Variants in GPR89B observed in about 807,000 individuals in gnomAD.
The protein encoded by GPR89B is golgi pH regulator B.
Under a neutral mutation model 52.4 loss-of-function variants are expected in GPR89B, and 25 were observed. The ratio of observed to expected loss-of-function variants is 0.48; its 90% confidence interval spans 0.35 to 0.67. GPR89B has a LOEUF of 0.67. Among genes scored for constraint, GPR89B ranks in the 30% least tolerant of loss-of-function variants. The probability of loss-of-function intolerance (pLI) is 0.01; values close to 1 mark genes in which losing one functional copy is unlikely to be tolerated. For synonymous variants in GPR89B, 52 were observed against 151.2 expected (o/e 0.34, Z 4.81); for missense variants, 146 against 450.2 (o/e 0.32, Z 6.11).
chr1:147,976,106 C>T (rs1244084324), intron 10 of GPR89B, among the ~76,000 whole-genome samples: 1 of 152,198 alleles, frequency 6.6e-6, no homozygotes, highest in East Asian at 1.9e-4. Flanking sequence ...TGCCATGTGG[C>T]ACCAAGAAGA....
chr1:148,009,539 A>G, the GPR89B span: 4 of 1,560,814 alleles, frequency 2.6e-6, no homozygotes, highest in South Asian at 2.2e-5. Flanking sequence ...AGGAATCCCC[A>G]TCCAGAACTA....
At chr1:148,012,420 G>C in the GPR89B span, among the ~76,000 whole-genome samples, 1 of 151,712 alleles carries the variant, frequency 6.6e-6, no homozygotes, top group Non-Finnish European at 1.5e-5. Context: ...TTCTGTCTTT[G>C]ACTCCCTTCC....
At chr1:147,993,679 A>G (rs1242064819), downstream of GPR89B, among the ~76,000 whole-genome samples, 1 of 151,264 alleles carries the variant, frequency 6.6e-6, no homozygotes, top group East Asian at 1.9e-4. Context: ...GTCACTTGTG[A>G]AAGGGAAATG....
intron 5 of GPR89B, among the ~76,000 whole-genome samples, chr1:147,950,864 G>A (rs1284572697): frequency 6.6e-6 from 1 of 152,250 alleles, no homozygotes; most frequent in Non-Finnish European, 1.5e-5. Context: ...GGAGGCTGCA[G>A]TGAGCCGAGA....
At chr1:147,976,961 G>C (rs1428112697) in intron 10 of GPR89B, among the ~76,000 whole-genome samples, 1 of 151,758 alleles carries the variant, frequency 6.6e-6, no homozygotes, top group African/African-American at 2.4e-5. Context: ...TGAGCTGGGC[G>C]TGGTGGCTCA....
the GPR89B span, among the ~76,000 whole-genome samples, chr1:148,025,176 G>A: frequency 6.6e-6 from 1 of 151,736 alleles, no homozygotes; most frequent in Non-Finnish European, 1.5e-5. Context: ...TAAGAGCACT[G>A]CTTTTGTTTA....
intron 10 of GPR89B, among the ~76,000 whole-genome samples, chr1:147,970,374 G>A: frequency 6.6e-6 from 1 of 151,968 alleles, no homozygotes; most frequent in Admixed American, 6.5e-5. Context: ...TGGGCTGCCT[G>A]TAATCCCAGC....
At chr1:147,940,556 G>C (rs1245163341) in intron 3 of GPR89B, among the ~76,000 whole-genome samples, 1 of 152,018 alleles carries the variant, frequency 6.6e-6, no homozygotes, top group African/African-American at 2.4e-5. Flanking sequence ...TTTAAGCAGG[G>C]GTTGGCAGTC....
At chr1:147,995,589 C>T (rs1319586154), downstream of GPR89B, 20 of 1,607,792 alleles carry the variant, frequency 1.2e-5, no homozygotes, top group Admixed American at 2.3e-4. Context: ...AATAGGCCCC[C>T]ACTCACCCGT....
chr1:148,005,512 G>A, the GPR89B span: 1 of 1,605,902 alleles, frequency 6.2e-7, no homozygotes, highest in Non-Finnish European at 8.5e-7. Flanking sequence ...CTTTTTACCT[G>A]GAAGAGAGTA....
At chr1:147,958,985 T>C (rs1656336497) in intron 7 of GPR89B, among the ~76,000 whole-genome samples, 1 of 152,258 alleles carries the variant, frequency 6.6e-6, no homozygotes, top group African/African-American at 2.4e-5. Context: ...AAAACTGTTT[T>C]TGTTGTTTAC....
In GPR89B at chr1:147,975,895, G is replaced by T. The variant is rs1486344427; in HGVS notation, c.909+5936G>T. On this transcript the variant is annotated intron_variant, in intron 10 of 13. Transcript: ENST00000314163. ...AGTATCAAATAACTTCTTGATTTCT[G>T]CCTTAATTTCATTATTTACCGAGGA... Among the ~76,000 whole-genome samples the T allele has an allele frequency of 2.0e-5, 3 of 152,022 alleles. No homozygotes were observed. The East Asian group carries it at 5.8e-4, about 29-fold the overall frequency.
the GPR89B span, among the ~76,000 whole-genome samples, chr1:148,013,931 A>G: frequency 6.6e-6 from 1 of 151,534 alleles, no homozygotes; most frequent in African/African-American, 2.4e-5. Context: ...GGCGCGCGGG[A>G]CCCAGGAGCC....
At chr1:147,968,172 C>T (rs1315126838) in intron 8 of GPR89B, 1 of 426,972 alleles carries the variant, frequency 2.3e-6, no homozygotes, top group Admixed American at 2.6e-5. Context: ...CTCCCTGAGC[C>T]CCTGTTCTCT....
At position 147,982,260 on chromosome 1, in the gene GPR89B, C is replaced by A. The variant is rs1441064807; in HGVS notation, c.910-3939C>A. 5.6e-4 allele frequency among the ~76,000 whole-genome samples: 85 copies of A among 151,776 alleles called. 1 individual carries two copies. Among genetic ancestry groups the A allele is most frequent in the African/African-American group, 1.8e-3 (76 of 41,184 alleles). On this transcript the variant is annotated intron_variant, in intron 10 of 13. Coordinates refer to ENST00000314163, the MANE Select transcript of GPR89B (RefSeq NM_016334.5). ...TATTTTTAGTAGAGACAGGGTTTCACCATATTGGCCAGGCTGGTCTCTAAC... is the reference window on the plus strand; with the variant it reads ...TATTTTTAGTAGAGACAGGGTTTCAACATATTGGCCAGGCTGGTCTCTAAC...
chr1:147,981,800 G>A (rs1195515826), intron 10 of GPR89B, among the ~76,000 whole-genome samples: 66 of 151,166 alleles, frequency 4.4e-4, no homozygotes, highest in African/African-American at 1.6e-3. Context: ...TTACAGGTGC[G>A]TACCACCATG....
chr1:147,947,423 A>T (rs1301612340), intron 5 of GPR89B, among the ~76,000 whole-genome samples: 1 of 152,044 alleles, frequency 6.6e-6, no homozygotes, highest in African/African-American at 2.4e-5. Context: ...GTCTGAACCA[A>T]CCTTGGAATG....
At chr1:148,009,877 C>T in the GPR89B span, among the ~76,000 whole-genome samples, 29 of 152,040 alleles carry the variant, frequency 1.9e-4, no homozygotes, top group East Asian at 2.5e-3. Flanking sequence ...GAACACAGGC[C>T]GCTAAGAAAG....
rs1553250411 is a variant in GPR89B at position 147,949,416 on chromosome 1, G to A, written c.416-3929G>A. ...TGACCCCCCCACCTCCCTCCCGGAC[G>A]GGGCGGCTGGCCGGGTGGGGGGCTG... is the stretch of plus-strand genomic sequence containing the variant. On this transcript the variant is annotated intron_variant, in intron 5 of 13. Transcript: ENST00000314163. Among the ~76,000 whole-genome samples the A allele has an allele frequency of 2.2e-4, 19 of 85,688 alleles. 1 individual carries two copies. Among genetic ancestry groups the A allele is most frequent in the South Asian group, 4.6e-4 (1 of 2,190 alleles). The allele number at this position is 85,688 out of a possible 152,430, so 56.2% of individuals were successfully genotyped here. A position where few individuals can be genotyped will look rare whatever the true frequency, so the allele number is the denominator to read the frequency against.
Sources: allele counts gnomAD v4.1 joint callset (sites outside exome capture counted in the v4.1 genomes callset), GRCh38; gene constraint gnomAD v4.1.1; transcripts MANE v1.5; gene names NCBI Gene and HGNC (gene_info 2026-07-23, HGNC 2026-07-21).